Variants in TTF1 observed in about 807,000 individuals in gnomAD.
TTF1 encodes transcription termination factor, RNA polymerase I.
In TTF1, 64 loss-of-function variants were observed where a neutral mutation model predicts 80.2. The observed-to-expected ratio is 0.80, with a 90% CI of 0.65 to 0.98. The LOEUF is 0.98. Ranked by LOEUF, TTF1 falls within the 50% of genes least tolerant of loss-of-function variation. The probability of loss-of-function intolerance (pLI) is 0.00; values close to 1 mark genes in which losing one functional copy is unlikely to be tolerated. For missense variants in TTF1, 1,023 were observed against 1,086.2 expected, an observed-to-expected ratio of 0.94 and a Z score of 0.82; for synonymous variants, 372 against 382.7, an observed-to-expected ratio of 0.97 and a Z score of 0.33.
intron 1 of TTF1, among the ~76,000 whole-genome samples, chr9:132,405,696 AAG>A (rs1849853047): frequency 6.6e-6 from 1 of 152,206 alleles, no homozygotes; most frequent in Non-Finnish European, 1.5e-5. Context: ...ACAGACCTGC[AAG>A]AGTCTTCATT....
intron 5 of TTF1, 141 bp from the exon 6 acceptor site, chr9:132,392,347 C>T: frequency 7.2e-6 from 7 of 972,166 alleles, no homozygotes; most frequent in African/African-American, 1.6e-5. Flanking sequence ...CTCTTCACTT[C>T]CTGTTGGCGT....
chr9:132,377,654 T>TGTGAGTGCATGTG (rs1564181344), intron 10 of TTF1, among the ~76,000 whole-genome samples: 5 of 6,354 alleles, frequency 7.9e-4, no homozygotes, highest in South Asian at 0.014. Context: ...ATGCATGTGG[T>TGTGAGTGCATGTG]GTGTGTGAGT....
rs753953998 is a variant in TTF1 at position 132,392,075 on chromosome 9, C to T, written c.1987+1G>A. 16 of 1,613,742 alleles carry T rather than the reference C, an allele frequency of 9.9e-6. No homozygotes were observed. Among genetic ancestry groups the T allele is most frequent in the Admixed American group, 6.7e-5 (4 of 59,990 alleles). ...GGTGGGCACTGGGGGCTGCCACTTA[C>T]GACTGCTGATCTGTGAGAACTTGAG... On this transcript the variant is annotated splice_donor_variant, in intron 6 of 10. Coordinates refer to ENST00000334270, the MANE Select transcript of TTF1 (RefSeq NM_007344.4). LOFTEE classifies it high-confidence loss of function.
In TTF1 at chr9:132,398,291, C is replaced by T; in HGVS notation, c.1627G>A (p.Glu543Lys). The T allele has an allele frequency of 6.2e-7, 1 of 1,608,854 alleles. No individual in the cohort carries two copies. The highest frequency in any genetic ancestry group is 8.5e-7 in the Non-Finnish European group (1 of 1,178,352). Reference protein sequence around the residue: ...AIKFGKFSVKENKQLEKNVED... With the variant: ...AIKFGKFSVKKNKQLEKNVED... ...ACATTTTTCTCTAACTGCTTATTTTCCTTTACAGAAAACTTGCCAAATTTA... is the reference window on the plus strand; with the variant it reads ...ACATTTTTCTCTAACTGCTTATTTTTCTTTACAGAAAACTTGCCAAATTTA... Residue 543 changes from glutamate to lysine, a missense_variant, in exon 4 of 11, where the codon GAA (glutamate) becomes AAA (lysine). Coordinates refer to ENST00000334270, the MANE Select transcript of TTF1 (RefSeq NM_007344.4).
intron 9 of TTF1, among the ~76,000 whole-genome samples, chr9:132,386,005 T>G (rs1174132505): frequency 6.6e-6 from 1 of 152,146 alleles, no homozygotes; most frequent in Non-Finnish European, 1.5e-5. Flanking sequence ...GAAGAGTAAT[T>G]CTGAGCCTTT....
In TTF1 at chr9:132,376,343, C is replaced by T. The variant is rs115388749; in HGVS notation, c.2465-175G>A. On this transcript the variant is annotated intron_variant, in intron 10 of 10. Coordinates refer to ENST00000334270, the MANE Select transcript of TTF1 (RefSeq NM_007344.4). ...TTCTTCAATCCTTGCAAAAATCCTA[C>T]GAGGTAGGCACTGTTTTTAACTTGT... 6.6e-3 allele frequency among the ~76,000 whole-genome samples: 1,011 copies of T among 152,232 alleles called. 8 individuals are homozygous for T. Among genetic ancestry groups the T allele is most frequent in the African/African-American group, 0.023 (970 of 41,538 alleles).
intron 10 of TTF1, among the ~76,000 whole-genome samples, chr9:132,377,850 A>AATGCATGTGGTGTGAGTGC (rs1849252201): frequency 3.0e-5 from 3 of 101,574 alleles, no homozygotes; most frequent in East Asian, 3.1e-4. Context: ...GGTGTGTGTG[A>AATGCATGTGGTGTGAGTGC]ATGCATGTGG....
chr9:132,383,171 C>G (rs1564184020), intron 9 of TTF1, among the ~76,000 whole-genome samples: 1 of 151,162 alleles, frequency 6.6e-6, no homozygotes, highest in Non-Finnish European at 1.5e-5. Context: ...TTGCTTGAAC[C>G]TGGGAGGCAG....
chr9:132,378,416 TGTGAGTGCATGTG>T, intron 10 of TTF1, among the ~76,000 whole-genome samples: 2 of 129,400 alleles, frequency 1.5e-5, no homozygotes, highest in East Asian at 2.6e-4. Context: ...GTGCATGTGG[TGTGAGTGCATGTG>T]GTGTGTGAAT....
In TTF1 at chr9:132,388,161, C is replaced by T. The variant is rs754605790; in HGVS notation, c.2290G>A (p.Ala764Thr). ...RIYYGMNALRAKVSLIERLYE... is the reference protein window; with the variant it reads ...RIYYGMNALRTKVSLIERLYE... ...TACCTTTCAATAAGGCTGACCTTGG[C>T]CCGCAGGGCATTCATGCCATAGTAG... The change falls in exon 8 of 11, where the codon GCC (alanine) becomes ACC (threonine). Residue 764 changes from alanine to threonine, a missense_variant. Transcript: ENST00000334270. 3.7e-6 allele frequency: 6 copies of T among 1,611,882 alleles called. No individual in the cohort carries two copies. Among genetic ancestry groups the T allele is most frequent in the Non-Finnish European group, 5.1e-6 (6 of 1,178,418 alleles).
chr9:132,391,962 C>G, intron 6 of TTF1, 114 bp downstream of exon 6: 1 of 1,492,586 alleles, frequency 6.7e-7, no homozygotes, highest in Non-Finnish European at 9.0e-7. Flanking sequence ...AGAAACAAAG[C>G]TCTTGCGGAA....
chr9:132,398,257 A>C lies in TTF1; in HGVS notation c.1661T>G (p.Phe554Cys), dbSNP rs749996914. The change falls in exon 4 of 11, where the codon TTT becomes TGT. Residue 554 changes from phenylalanine (F) to cysteine (C), a missense_variant. Phe to Cys is a radical substitution (Grantham distance 205). Coordinates refer to ENST00000334270, the MANE Select transcript of TTF1 (RefSeq NM_007344.4). ...ACTCTCAATGCCTGTCAGGGCTAGA[A>C]AGTCTTCCACATTTTTCTCTAACTG... ...NKQLEKNVEDFLALTGIESAD... is the reference protein window; with the variant it reads ...NKQLEKNVEDCLALTGIESAD... 1.2e-6 allele frequency: 2 copies of C among 1,609,460 alleles called. No homozygotes were observed. The highest frequency in any genetic ancestry group is 2.2e-5 in the East Asian group (1 of 44,674).
chr9:132,384,662 TTTC>T lies in TTF1; in HGVS notation c.2378+1891_2378+1893del, dbSNP rs974124265. On this transcript the variant is annotated intron_variant, in intron 9 of 10. Coordinates refer to ENST00000334270, the MANE Select transcript of TTF1 (RefSeq NM_007344.4). This position sits in a 1 kb window ranked among gnomAD's most constrained non-coding sequence, Gnocchi z 4.1. Reference sequence around the variant, plus strand: ...GTTTCCTTTCAGGTTTCTTTCTTTCTTTCTTTTCTTTTGAGATGGAGTCTTGCT... The same window carrying T: ...GTTTCCTTTCAGGTTTCTTTCTTTCTTTTTCTTTTGAGATGGAGTCTTGCT... 6.6e-6 allele frequency among the ~76,000 whole-genome samples: 1 copy of T among 152,142 alleles called. No individual in the cohort carries two copies. Among genetic ancestry groups the T allele is most frequent in the Non-Finnish European group, 1.5e-5 (1 of 68,032 alleles).
chr9:132,378,469 TGA>T (rs1301629908), intron 10 of TTF1, among the ~76,000 whole-genome samples: 1 of 144,428 alleles, frequency 6.9e-6, no homozygotes, highest in Non-Finnish European at 1.5e-5. Flanking sequence ...GTGGTGTGTG[TGA>T]GTGCATGTGG....
In TTF1 at chr9:132,390,729, A is replaced by G. The variant is rs746867229; in HGVS notation, c.2090T>C (p.Val697Ala). The G allele has an allele frequency of 3.1e-6, 5 of 1,614,126 alleles. No individual in the cohort carries two copies. The South Asian group carries it at 5.5e-5, about 18-fold the overall frequency. Reference protein sequence around the residue: ...KKMSPQELKEVDSKLQENPES... With the variant: ...KKMSPQELKEADSKLQENPES... ...AGGATTTTCTTGGAGTTTGGAATCC[A>G]CCTCTTTTAACTCCTGGGGAGACAT... is the stretch of plus-strand genomic sequence containing the variant. Residue 697 changes from valine (V) to alanine (A), a missense_variant, in exon 7 of 11, where the codon GTG (valine) becomes GCG (alanine). Val to Ala is a moderately conservative substitution (Grantham distance 64). Transcript: ENST00000334270.
chr9:132,390,574 G>C (rs1326317594), intron 7 of TTF1, 23 bp downstream of exon 7: 2 of 1,607,036 alleles, frequency 1.2e-6, no homozygotes, highest in African/African-American at 2.7e-5. Context: ...GAGAGACAGA[G>C]AAAGAGAGAG....
chr9:132,390,507 C>T (rs893584760), intron 7 of TTF1, 90 bp downstream of exon 7: 54 of 1,289,536 alleles, frequency 4.2e-5, no homozygotes, highest in Non-Finnish European at 5.4e-5. Context: ...GACACGTCAG[C>T]TTCCCCACGG....
At position 132,393,324 on chromosome 9, in the gene TTF1, T is replaced by C. The variant is rs143481267; in HGVS notation, c.1857-1118A>G. 3.1e-3 allele frequency among the ~76,000 whole-genome samples: 474 copies of C among 151,614 alleles called. 2 individuals are homozygous for C. The highest frequency in any genetic ancestry group is 0.011 in the African/African-American group (460 of 41,424). Reference sequence around the variant, plus strand: ...TCTCTGCAGCACTGTAACATGTTCATGATGGCCCTAATGCTCACGCTGGAA... The same window carrying C: ...TCTCTGCAGCACTGTAACATGTTCACGATGGCCCTAATGCTCACGCTGGAA... On this transcript the variant is annotated intron_variant, in intron 5 of 10. Transcript: ENST00000334270.
Position 132,383,180 on chromosome 9 carries a change from A to G in TTF1, c.2378+3376T>C, listed in dbSNP as rs1024984483. Among the ~76,000 whole-genome samples, 7 of 151,072 alleles carry G rather than the reference A, an allele frequency of 4.6e-5. No individual in the cohort carries two copies. In the South Asian group the frequency reaches 1.5e-3, roughly 32 times the overall value. ...CAAGAATTGCTTGAACCTGGGAGGC[A>G]GAGGGTGCAGTGAGCTGAGATCACA... On this transcript the variant is annotated intron_variant, in intron 9 of 10. Coordinates refer to ENST00000334270, the MANE Select transcript of TTF1 (RefSeq NM_007344.4).
Sources: allele counts gnomAD v4.1 joint callset (sites outside exome capture counted in the v4.1 genomes callset), GRCh38; gene constraint gnomAD v4.1.1; non-coding constraint Gnocchi (gnomAD v3.1); transcripts MANE v1.5; gene names NCBI Gene and HGNC (gene_info 2026-07-23, HGNC 2026-07-21).